Variants in FAM107B observed in about 807,000 individuals in gnomAD.
The protein encoded by FAM107B is family with sequence similarity 107 member B, also known as protein FAM107B.
Under a neutral mutation model 31.5 loss-of-function variants are expected in FAM107B, and 21 were observed. The observed-to-expected ratio is 0.67, with a 90% CI of 0.47 to 0.96. The LOEUF (loss-of-function observed/expected upper bound fraction) is 0.96. FAM107B is among the 40% of genes least tolerant of loss of function. The pLI is 0.00. For synonymous variants in FAM107B, 157 were observed against 141.5 expected (o/e 1.11, Z -0.78); for missense variants, 452 against 377.1 (o/e 1.20, Z -1.64).
Position 14,530,511 on chromosome 10 carries a change from G to T in FAM107B, c.474C>A (p.Ser158Arg), listed in dbSNP as rs1163615481. 1.2e-6 allele frequency: 2 copies of T among 1,611,300 alleles called. No individual in the cohort carries two copies. The highest frequency in any genetic ancestry group is 8.5e-7 in the Non-Finnish European group (1 of 1,179,426). ...CCTTATGGTCAATATCCTCAGGTGG[G>T]CTGTCTGAAAGAGAAAGATGAGAAA... ...LELEQKMTSD[S>R]PPEDIDHKDS... Residue 158 changes from serine to arginine, a missense_variant, in exon 3 of 5, where the codon AGC becomes AGA. Physicochemically the swap from Ser to Arg is moderately radical, Grantham distance 110 (BLOSUM62 -1). Coordinates refer to ENST00000181796, the MANE Select transcript of FAM107B (RefSeq NM_031453.4).
At chr10:14,719,147 G>A (rs1855851976) in intron 1 of FAM107B, among the ~76,000 whole-genome samples, 1 of 152,162 alleles carries the variant, frequency 6.6e-6, no homozygotes, top group Non-Finnish European at 1.5e-5. Flanking sequence ...CAGACCATAG[G>A]CTTAGAGCAG....
intron 2 of FAM107B, among the ~76,000 whole-genome samples, chr10:14,558,238 C>T (rs1336782287): frequency 6.6e-6 from 1 of 151,896 alleles, no homozygotes; most frequent in South Asian, 2.1e-4. Flanking sequence ...TGCATGCGCA[C>T]ACTCACATAC....
intron 2 of FAM107B, chr10:14,555,894 A>AACACACACACACACACACACAC (rs56270507): frequency 6.8e-6 from 1 of 148,088 alleles, no homozygotes; most frequent in South Asian, 2.2e-4. Flanking sequence ...AGACATCTTT[A>AACACACACACACACACACACAC]ACACACACAC....
intron 2 of FAM107B, among the ~76,000 whole-genome samples, chr10:14,618,009 C>T (rs1392817980): frequency 6.6e-6 from 1 of 152,142 alleles, no homozygotes; most frequent in South Asian, 2.1e-4. Context: ...AGTTGTGTAA[C>T]CACCTCCACA....
intron 1 of FAM107B, among the ~76,000 whole-genome samples, chr10:14,700,819 G>A (rs1855379758): frequency 8.7e-6 from 1 of 114,986 alleles, no homozygotes; most frequent in Admixed American, 1.1e-4. Context: ...GATGCTGATG[G>A]CAAGAGGCAA....
intron 1 of FAM107B, among the ~76,000 whole-genome samples, chr10:14,773,946 C>G (rs1344695810): frequency 6.6e-6 from 1 of 152,148 alleles, no homozygotes; most frequent in Non-Finnish European, 1.5e-5. Flanking sequence ...TTTTTGTAAA[C>G]TATCTTACTC....
chr10:14,620,634 A>T (rs1361783676), intron 2 of FAM107B, among the ~76,000 whole-genome samples: 1 of 152,158 alleles, frequency 6.6e-6, no homozygotes, highest in Non-Finnish European at 1.5e-5. Flanking sequence ...TGCACCCATC[A>T]ACCCGTCAAC....
At chr10:14,742,920 G>A (rs1832650057) in intron 1 of FAM107B, among the ~76,000 whole-genome samples, 1 of 151,916 alleles carries the variant, frequency 6.6e-6, no homozygotes. Flanking sequence ...CACCAATGAC[G>A]TCTTTCCACC....
chr10:14,595,422 C>CTTTTTTT (rs35540585), intron 2 of FAM107B, among the ~76,000 whole-genome samples: 17 of 98,148 alleles, frequency 1.7e-4, no homozygotes, highest in Non-Finnish European at 2.1e-4. Flanking sequence ...CTAGGGCAAC[C>CTTTTTTT]TTTTTTTTTT....
chr10:14,644,072 T>C (rs1029901024), intron 2 of FAM107B, among the ~76,000 whole-genome samples: 1 of 152,224 alleles, frequency 6.6e-6, no homozygotes, highest in Non-Finnish European at 1.5e-5. Flanking sequence ...GAATGAAGGA[T>C]ATTTCCTCTC....
At chr10:14,749,728 G>A (rs1017846514) in intron 1 of FAM107B, among the ~76,000 whole-genome samples, 3 of 152,096 alleles carry the variant, frequency 2.0e-5, no homozygotes, top group African/African-American at 4.8e-5. Context: ...CAGGGAGCAG[G>A]GGCACCATCC....
At chr10:14,676,944 T>C (rs1343285543) in intron 1 of FAM107B, among the ~76,000 whole-genome samples, 1 of 152,204 alleles carries the variant, frequency 6.6e-6, no homozygotes. Flanking sequence ...TTGGTTGACA[T>C]GAAAGCAGAG....
rs760610831 is a variant in FAM107B at position 14,644,759 on chromosome 10, TATG to T, written c.469+22872_469+22874del. ...AATGCCACACAAATGCAAGTATTGG[TATG>T]AGTGTGCTTACTACAAAACACAAAA... On this transcript the variant is annotated intron_variant, in intron 2 of 4. Coordinates refer to ENST00000181796, the MANE Select transcript of FAM107B (RefSeq NM_031453.4). Among the ~76,000 whole-genome samples, 7 of 152,324 alleles carry T rather than the reference TATG, an allele frequency of 4.6e-5. No homozygotes were observed. The East Asian group carries it at 1.2e-3, about 25-fold the overall frequency.
chr10:14,555,028 G>A (rs540333501), intron 2 of FAM107B, among the ~76,000 whole-genome samples: 117 of 152,310 alleles, frequency 7.7e-4, no homozygotes, highest in African/African-American at 2.8e-3. Context: ...TGTCATAGCA[G>A]CAGTACACAA....
At chr10:14,672,104 AT>A (rs11377065) in intron 1 of FAM107B, among the ~76,000 whole-genome samples, 2 of 142,280 alleles carry the variant, frequency 1.4e-5, no homozygotes, top group African/African-American at 2.5e-5. Context: ...TTATTTATTT[AT>A]TTTTTTTTTT....
chr10:14,537,507 G>A (rs866858703), intron 2 of FAM107B, among the ~76,000 whole-genome samples: 5 of 152,164 alleles, frequency 3.3e-5, no homozygotes, highest in Non-Finnish European at 7.4e-5. Context: ...AATGAAAAAG[G>A]ACTGACAGAT....
chr10:14,529,091 C>A (rs1368052969), intron 3 of FAM107B, among the ~76,000 whole-genome samples: 1 of 152,200 alleles, frequency 6.6e-6, no homozygotes, highest in Non-Finnish European at 1.5e-5. Context: ...ACTAAACTGA[C>A]GAGCTTTCCA....
intron 2 of FAM107B, among the ~76,000 whole-genome samples, chr10:14,621,858 T>C (rs1484946274): frequency 6.6e-6 from 1 of 152,182 alleles, no homozygotes; most frequent in African/African-American, 2.4e-5. Flanking sequence ...GGAAAAATTC[T>C]TCAGAGTAAA....
chr10:14,572,483 G>C, intron 2 of FAM107B: 1 of 825,778 alleles, frequency 1.2e-6, no homozygotes, highest in South Asian at 5.5e-5. Context: ...AATCAGAATG[G>C]CCCTCCTGAG....
Sources: gnomAD v4.1 joint callset for allele counts (sites outside exome capture counted in the v4.1 genomes callset) on GRCh38, gnomAD v4.1.1 for gene constraint, MANE v1.5 for transcripts, NCBI Gene and HGNC (gene_info 2026-07-23, HGNC 2026-07-21) for gene names.